BDP1: variants seen among roughly 807,000 people sequenced by gnomAD.
BDP1 encodes the protein BDP1 general transcription factor IIIB subunit.
In BDP1, 169 loss-of-function variants were observed where a neutral mutation model predicts 266.6. The observed-to-expected ratio is 0.63, with a 90% CI of 0.56 to 0.72. The LOEUF (loss-of-function observed/expected upper bound fraction) is 0.72. Among genes scored for constraint, BDP1 ranks in the 30% least tolerant of loss-of-function variants. BDP1 has a pLI of 0.00. For synonymous variants in BDP1, 1,090 were observed against 1,022.4 expected (o/e 1.07, Z -1.26); for missense variants, 3,015 against 3,053.8 (o/e 0.99, Z 0.30).
chr5:71,470,993 T>C (rs13176652), intron 7 of BDP1, among the ~76,000 whole-genome samples: 2 of 152,054 alleles, frequency 1.3e-5, no homozygotes, highest in Non-Finnish European at 2.9e-5. Flanking sequence ...CTTCTTTATG[T>C]TAGTTTCATA....
intron 37 of BDP1, 84 bp downstream of exon 37, chr5:71,560,321 A>G: frequency 7.2e-7 from 1 of 1,387,860 alleles, no homozygotes; most frequent in Non-Finnish European, 9.7e-7. Flanking sequence ...ATCCAGTACT[A>G]AGGATGGTGT....
At chr5:71,540,625 G>A (rs1270742986) in intron 28 of BDP1, among the ~76,000 whole-genome samples, 2 of 152,106 alleles carry the variant, frequency 1.3e-5, no homozygotes, top group Admixed American at 1.3e-4. Context: ...ACCGCACCCA[G>A]CTTCCATTCA....
chr5:71,527,284 C>T (rs544832431), intron 25 of BDP1, among the ~76,000 whole-genome samples: 2 of 152,236 alleles, frequency 1.3e-5, no homozygotes, highest in African/African-American at 4.8e-5. Flanking sequence ...AACCAAGATA[C>T]AAGATACAAA....
At chr5:71,489,288 A>G in intron 9 of BDP1, 116 bp from the exon 10 acceptor site, 4 of 648,126 alleles carry the variant, frequency 6.2e-6, no homozygotes, top group Non-Finnish European at 1.0e-5. Context: ...GGTTGTCTTT[A>G]GGTTTTTTGT....
At chr5:71,539,471 A>G in intron 27 of BDP1, 86 bp from the exon 28 acceptor site, 3 of 1,018,988 alleles carry the variant, frequency 2.9e-6, no homozygotes, top group Non-Finnish European at 4.5e-6. Context: ...CTCCTAGGAG[A>G]TAAACACCTT....
At chr5:71,489,797 G>T in intron 10 of BDP1, 115 bp downstream of exon 10, 1 of 836,698 alleles carries the variant, frequency 1.2e-6, no homozygotes, top group Non-Finnish European at 1.9e-6. Flanking sequence ...TTATTAATTG[G>T]TTCTGTACTA....
intron 36 of BDP1, among the ~76,000 whole-genome samples, chr5:71,558,058 A>G (rs1011935107): frequency 2.0e-5 from 3 of 152,018 alleles, no homozygotes; most frequent in African/African-American, 7.3e-5. Flanking sequence ...TCTGTTTTTC[A>G]TTTCTTTTAT....
chr5:71,511,659 A>AACTT lies in BDP1; in HGVS notation c.4059+509_4059+510insCTTA, dbSNP rs1181515604. 9.2e-5 allele frequency among the ~76,000 whole-genome samples: 14 copies of AACTT among 152,046 alleles called. 1 individual carries two copies. The highest frequency in any genetic ancestry group is 3.4e-4 in the African/African-American group (14 of 41,520). ...GAGACCCTGTCTCAAAAAGAAATAA[A>AACTT]AATAATTTCCAACTGTGAAAAAGTC... On this transcript the variant is annotated intron_variant, in intron 17 of 38. Transcript: ENST00000358731.
At chr5:71,513,762 C>T (rs762757523) in intron 19 of BDP1, among the ~76,000 whole-genome samples, 2 of 151,814 alleles carry the variant, frequency 1.3e-5, no homozygotes, top group South Asian at 2.1e-4. Context: ...ACTCTGTTCC[C>T]AGGCTGGAGT....
intron 25 of BDP1, among the ~76,000 whole-genome samples, chr5:71,524,578 T>C (rs914738558): frequency 6.6e-6 from 1 of 151,874 alleles, no homozygotes; most frequent in African/African-American, 2.4e-5. Context: ...GGAAGCTGTT[T>C]AGTCTACTTT....
At chr5:71,508,054 CCCT>C (rs1362849233) in intron 16 of BDP1, among the ~76,000 whole-genome samples, 2 of 149,594 alleles carry the variant, frequency 1.3e-5, no homozygotes, top group Non-Finnish European at 3.0e-5. Context: ...AACCTCCGCC[CCCT>C]GGGTTCCAGC....
chr5:71,479,029 G>T (rs1274855852), intron 7 of BDP1, among the ~76,000 whole-genome samples: 1 of 151,726 alleles, frequency 6.6e-6, no homozygotes, highest in Non-Finnish European at 1.5e-5. Flanking sequence ...TTTTCACCTG[G>T]TTTTTATTTT....
In BDP1 at chr5:71,513,177, T is replaced by G. The variant is rs370262774; in HGVS notation, c.4248-8T>G. On this transcript the variant is annotated splice_polypyrimidine_tract_variant and splice_region_variant and intron_variant, in intron 18 of 38. Coordinates refer to ENST00000358731, the MANE Select transcript of BDP1 (RefSeq NM_018429.3). ...CATTCTAAAGCTTGATAATCCTTGT[T>G]CCAAAAGCAAATCTCTTCCTCAAGA... The G allele has an allele frequency of 1.9e-6, 3 of 1,607,674 alleles. No homozygotes were observed. The highest frequency in any genetic ancestry group is 1.7e-6 in the Non-Finnish European group (2 of 1,177,122).
intron 7 of BDP1, 81 bp from the exon 8 acceptor site, chr5:71,483,761 T>C (rs1763098357): frequency 6.9e-6 from 7 of 1,017,336 alleles, no homozygotes; most frequent in Non-Finnish European, 9.2e-6. Flanking sequence ...CCTAAGAGTT[T>C]CATTTTAATG....
At chr5:71,475,232 T>C (rs1762512433) in intron 7 of BDP1, among the ~76,000 whole-genome samples, 1 of 152,092 alleles carries the variant, frequency 6.6e-6, no homozygotes, top group East Asian at 1.9e-4. Context: ...CTCGGCTTCC[T>C]AGGTAGCTGG....
At chr5:71,466,310 C>G in intron 5 of BDP1, 89 bp downstream of exon 5, 2 of 1,413,816 alleles carry the variant, frequency 1.4e-6, no homozygotes, top group South Asian at 2.6e-5. Context: ...CTGTATTGGC[C>G]TTTGTCACTT....
intron 25 of BDP1, among the ~76,000 whole-genome samples, chr5:71,524,805 G>GGGTA (rs1228911054): frequency 6.7e-6 from 1 of 150,008 alleles, no homozygotes; most frequent in African/African-American, 2.5e-5. Flanking sequence ...TTGTGTCCCT[G>GGGTA]GGTACTTGAG....
At chr5:71,497,569 G>C (rs932339492) in intron 13 of BDP1, 143 bp downstream of exon 13, 5 of 626,182 alleles carry the variant, frequency 8.0e-6, no homozygotes, top group Non-Finnish European at 1.3e-5. Flanking sequence ...CATTAGATTT[G>C]TTCGTATCTT....
rs1561706311 is a variant in BDP1, at chr5:71,495,372, T to C, written c.1763T>C (p.Ile588Thr). 3 of 1,586,164 alleles carry C rather than the reference T, an allele frequency of 1.9e-6. No homozygotes were observed. The highest frequency in any genetic ancestry group is 1.7e-5 in the Admixed American group (1 of 57,382). The stretch of plus-strand genomic sequence containing the variant: ...GTGAATAATGCTGAGGGTAGTTGTA[T>C]AGAAGAAAGAAATGTTGACCTAAAA... ...CEVNNAEGSCIEERNVDLKNN... is the reference protein window; with the variant it reads ...CEVNNAEGSCTEERNVDLKNN... Residue 588 changes from isoleucine (I) to threonine (T), a missense_variant, in exon 12 of 39, where the codon ATA becomes ACA. Ile to Thr is a moderately conservative substitution (Grantham distance 89). Transcript: ENST00000358731.
Sources: allele counts gnomAD v4.1 joint callset (sites outside exome capture counted in the v4.1 genomes callset), GRCh38; gene constraint gnomAD v4.1.1; transcripts MANE v1.5; gene names NCBI Gene and HGNC (gene_info 2026-07-23, HGNC 2026-07-21).